Variants in PXYLP1 observed in about 807,000 individuals in gnomAD.
PXYLP1 encodes the protein acid phosphatase-like 2.
A neutral mutation model predicts 37.9 loss-of-function variants in PXYLP1; 17 were observed. That is an observed-to-expected ratio of 0.45 (90% CI 0.31 to 0.67). The LOEUF (loss-of-function observed/expected upper bound fraction) is 0.67. Ranked by LOEUF, PXYLP1 falls within the 30% of genes least tolerant of loss-of-function variation. The probability of loss-of-function intolerance (pLI) is 0.07; values close to 1 mark genes in which losing one functional copy is unlikely to be tolerated. For synonymous variants in PXYLP1, 221 were observed against 232.2 expected (o/e 0.95, Z 0.44); for missense variants, 511 against 612.0 (o/e 0.84, Z 1.74).
In PXYLP1 at chr3:141,292,494, C is replaced by T; in HGVS notation, c.732C>T (p.Ser244=). The change falls in exon 6 of 6, where the codon AGC becomes AGT. Residue 244 remains serine, a synonymous_variant. Coordinates refer to ENST00000286353, the MANE Select transcript of PXYLP1 (RefSeq NM_001037172.3). The surrounding 1 kb of genome is among the most constrained non-coding windows in gnomAD (Gnocchi z 4.3). ...CAAGTGCGCTGTTCTGCTCTGGAAG[C>T]TGCTATTGCCCGGTAAGAAACCAGT... The part of the protein sequence containing the change: ...HQPSALFCSG[S]CYCPVRNQYL... 1 of 1,614,216 alleles carries T rather than the reference C, an allele frequency of 6.2e-7. No individual in the cohort carries two copies. The highest frequency in any genetic ancestry group is 8.5e-7 in the Non-Finnish European group (1 of 1,180,038).
chr3:141,278,733 G>T (rs914303290), intron 3 of PXYLP1, among the ~76,000 whole-genome samples: 1 of 151,912 alleles, frequency 6.6e-6, no homozygotes. Context: ...AACATACCAC[G>T]TGGCTCACGA....
At chr3:141,287,507 A>G in intron 5 of PXYLP1, 54 bp downstream of exon 5, 3 of 1,587,024 alleles carry the variant, frequency 1.9e-6, no homozygotes, top group Non-Finnish European at 2.6e-6. Context: ...TTCTGCTTGC[A>G]TACCTTCCGA....
chr3:141,250,195 GCTCTGCTGTTTGT>G, intron 1 of PXYLP1, among the ~76,000 whole-genome samples: 1 of 152,362 alleles, frequency 6.6e-6, no homozygotes, highest in South Asian at 2.1e-4. Context: ...GCAGGAGGCT[GCTCTGCTGTTTGT>G]CTCTGCTGAA....
intron 1 of PXYLP1, among the ~76,000 whole-genome samples, chr3:141,233,305 A>C (rs1285993183): frequency 3.3e-5 from 5 of 152,088 alleles, no homozygotes; most frequent in African/African-American, 1.2e-4. Context: ...GTCTCTACTA[A>C]AAATACAAAA....
intron 2 of PXYLP1, among the ~76,000 whole-genome samples, chr3:141,264,120 A>G (rs2148765842): frequency 1.3e-5 from 2 of 151,578 alleles, no homozygotes; most frequent in Middle Eastern, 3.4e-3. Flanking sequence ...CCGATTGGCC[A>G]GAGCAGAGTC....
chr3:141,253,183 G>A (rs1941182962), intron 1 of PXYLP1, among the ~76,000 whole-genome samples: 1 of 152,174 alleles, frequency 6.6e-6, no homozygotes, highest in African/African-American at 2.4e-5. Flanking sequence ...CAGTGAGTGT[G>A]TTTTCTGGTC....
chr3:141,246,832 G>C, intron 1 of PXYLP1, among the ~76,000 whole-genome samples: 1 of 152,214 alleles, frequency 6.6e-6, no homozygotes, highest in Non-Finnish European at 1.5e-5. Context: ...TAGTCTGGAG[G>C]TAGACCAGGC....
intron 5 of PXYLP1, among the ~76,000 whole-genome samples, chr3:141,290,649 C>A (rs1294820984): frequency 6.6e-6 from 1 of 152,060 alleles, no homozygotes; most frequent in African/African-American, 2.4e-5. Context: ...GTATAAGAAG[C>A]CCTAAATAGC....
chr3:141,276,158 T>G (rs377567839), intron 2 of PXYLP1, among the ~76,000 whole-genome samples: 17 of 152,238 alleles, frequency 1.1e-4, no homozygotes, highest in African/African-American at 4.1e-4. Context: ...GTAAGTGCAC[T>G]CTATGATGTT....
At chr3:141,248,338 A>T (rs1941013895) in intron 1 of PXYLP1, among the ~76,000 whole-genome samples, 1 of 151,684 alleles carries the variant, frequency 6.6e-6, no homozygotes, top group East Asian at 1.9e-4. Context: ...GCCTCTTAAG[A>T]GTCTTATTAC....
At chr3:141,239,750 C>A (rs780483109) in intron 1 of PXYLP1, among the ~76,000 whole-genome samples, 38 of 152,196 alleles carry the variant, frequency 2.5e-4, no homozygotes, top group Non-Finnish European at 3.8e-4. Flanking sequence ...GCCCACTGCC[C>A]AATGCTCACA....
chr3:141,253,878 T>C (rs949422490), intron 1 of PXYLP1, among the ~76,000 whole-genome samples: 7 of 147,968 alleles, frequency 4.7e-5, no homozygotes, highest in Non-Finnish European at 1.0e-4. Flanking sequence ...ATTAGATATG[T>C]ATATTATATA....
chr3:141,268,905 A>G (rs537509511), intron 2 of PXYLP1, among the ~76,000 whole-genome samples: 1 of 152,330 alleles, frequency 6.6e-6, no homozygotes, highest in African/African-American at 2.4e-5. Flanking sequence ...CTTCAGCATC[A>G]CATCTTGCCT....
intron 1 of PXYLP1, among the ~76,000 whole-genome samples, chr3:141,245,173 C>T (rs1940908688): frequency 6.6e-6 from 1 of 151,578 alleles, no homozygotes; most frequent in South Asian, 2.1e-4. Context: ...CCTCAGCCTC[C>T]CAGGTAGCTG....
chr3:141,266,689 T>TGAGGGGGA (rs926232549), intron 2 of PXYLP1, among the ~76,000 whole-genome samples: 1 of 39,164 alleles, frequency 2.6e-5, no homozygotes, highest in Non-Finnish European at 4.9e-5. Context: ...GAGGGAGAGA[T>TGAGGGGGA]GAGGGGGAGA....
At chr3:141,235,918 G>A (rs1273156047) in intron 1 of PXYLP1, among the ~76,000 whole-genome samples, 1 of 152,248 alleles carries the variant, frequency 6.6e-6, no homozygotes, top group Non-Finnish European at 1.5e-5. Flanking sequence ...TTTGGACTTT[G>A]GCTGGGGAAG....
intron 1 of PXYLP1, among the ~76,000 whole-genome samples, chr3:141,236,645 G>A (rs572126932): frequency 5.3e-5 from 8 of 152,234 alleles, no homozygotes; most frequent in East Asian, 1.9e-4. Context: ...GCTTTTAACC[G>A]TAAAATAAAA....
intron 1 of PXYLP1, among the ~76,000 whole-genome samples, chr3:141,236,821 TAATG>T (rs1940668585): frequency 6.6e-6 from 1 of 152,164 alleles, no homozygotes; most frequent in African/African-American, 2.4e-5. Flanking sequence ...TCAGAAATAA[TAATG>T]GAGGGACTTA....
chr3:141,244,506 G>A lies in PXYLP1; in HGVS notation c.-54+12595G>A, dbSNP rs145428044. Among the ~76,000 whole-genome samples the A allele has an allele frequency of 2.1e-3, 311 of 150,728 alleles. 1 individual carries two copies. Among genetic ancestry groups the A allele is most frequent in the African/African-American group, 7.2e-3 (295 of 40,880 alleles). ...AGCCATCTCCCGCTAGACCTTTTTC[G>A]GTAAATTTATGTTTTCCGAAAATTT... On this transcript the variant is annotated intron_variant, in intron 1 of 5. Transcript: ENST00000286353.
Sources: gnomAD v4.1 joint callset for allele counts (sites outside exome capture counted in the v4.1 genomes callset) on GRCh38, gnomAD v4.1.1 for gene constraint, Gnocchi (gnomAD v3.1) non-coding constraint, MANE v1.5 for transcripts, NCBI Gene and HGNC (gene_info 2026-07-23, HGNC 2026-07-21) for gene names.